DOCK1: variants seen among roughly 807,000 people sequenced by gnomAD.
The protein encoded by DOCK1 is dedicator of cytokinesis protein 1.
A neutral mutation model predicts 262.7 loss-of-function variants in DOCK1; 138 were observed. That is an observed-to-expected ratio of 0.53 (90% CI 0.46 to 0.61). The LOEUF is 0.61. Among genes scored for constraint, DOCK1 ranks in the 20% least tolerant of loss-of-function variants. DOCK1 has a pLI of 0.00. For synonymous variants in DOCK1, 866 were observed against 867.4 expected, an observed-to-expected ratio of 1.00 and a Z score of 0.03; for missense variants, 1,908 against 2,370.7, an observed-to-expected ratio of 0.80 and a Z score of 4.05.
At chr10:127,086,693 G>A (rs1007988500) in intron 23 of DOCK1, among the ~76,000 whole-genome samples, 5 of 152,114 alleles carry the variant, frequency 3.3e-5, no homozygotes, top group Admixed American at 3.3e-4. Context: ...AAAAAGTCCC[G>A]TGTCTTAAGC....
intron 18 of DOCK1, 60 bp from the exon 19 acceptor site, chr10:127,037,659 A>G (rs2043730492): frequency 7.0e-7 from 1 of 1,432,222 alleles, no homozygotes; most frequent in African/African-American, 1.4e-5. Context: ...ATGCATGATT[A>G]ACAGAGACAG....
intron 29 of DOCK1, among the ~76,000 whole-genome samples, chr10:127,265,088 T>TG (rs2060306575): frequency 1.3e-5 from 2 of 152,206 alleles, no homozygotes; most frequent in Non-Finnish European, 1.5e-5. Flanking sequence ...AGTTAGGAAA[T>TG]GCGTAAGATG....
chr10:127,402,007 C>T lies in DOCK1; in HGVS notation c.3928-1048C>T, dbSNP rs559241343. ...TGGTTCCCCTCAGGACTGGCGCTAC[C>T]GTCTTGTGGGAATGATGGAAGTTGA... On this transcript the variant is annotated intron_variant, in intron 38 of 51. Transcript: ENST00000623213. Among the ~76,000 whole-genome samples, 69 of 152,268 alleles carry T rather than the reference C, an allele frequency of 4.5e-4. 1 individual carries two copies. In the South Asian group the frequency reaches 0.013, roughly 30 times the overall value.
intron 13 of DOCK1, among the ~76,000 whole-genome samples, chr10:127,020,863 C>T (rs1255270968): frequency 1.3e-5 from 2 of 152,106 alleles, no homozygotes; most frequent in African/African-American, 4.8e-5. Flanking sequence ...TGCAGGGATG[C>T]GCGTCTTCTT....
intron 29 of DOCK1, among the ~76,000 whole-genome samples, chr10:127,337,228 G>A (rs2135715540): frequency 6.6e-6 from 1 of 152,268 alleles, no homozygotes; most frequent in South Asian, 2.1e-4. Context: ...CTCTGGGGTT[G>A]CTGCATGTAC....
chr10:127,130,890 G>A (rs1229457621), intron 27 of DOCK1, among the ~76,000 whole-genome samples: 2 of 152,138 alleles, frequency 1.3e-5, no homozygotes, highest in Non-Finnish European at 1.5e-5. Flanking sequence ...AGAAGTCATC[G>A]AAAGGACTGA....
chr10:127,173,052 G>T (rs1322767548), intron 27 of DOCK1, among the ~76,000 whole-genome samples: 13 of 152,156 alleles, frequency 8.5e-5, no homozygotes, highest in African/African-American at 3.1e-4. Flanking sequence ...GGCAGCCTGT[G>T]TGCCGGGCAT....
intron 28 of DOCK1, among the ~76,000 whole-genome samples, chr10:127,254,496 T>C (rs1220419499): frequency 6.6e-6 from 1 of 152,232 alleles, no homozygotes; most frequent in Admixed American, 6.5e-5. Flanking sequence ...ACACAGGAAG[T>C]GGGCTTGTCA....
Position 127,145,608 on chromosome 10 carries a change from G to A in DOCK1, c.2847+17844G>A, listed in dbSNP as rs192590185. ...CCCTGAGTGGGATCCCATGACCCAG[G>A]GCCATCACCTTGCCTGCCTGTCTCC... On this transcript the variant is annotated intron_variant, in intron 27 of 51. Transcript: ENST00000623213. Among the ~76,000 whole-genome samples, 5 of 152,242 alleles carry A rather than the reference G, an allele frequency of 3.3e-5. No individual in the cohort carries two copies. The East Asian group carries it at 5.8e-4, about 18-fold the overall frequency.
intron 6 of DOCK1, among the ~76,000 whole-genome samples, chr10:126,992,029 T>C (rs181832065): frequency 6.7e-4 from 102 of 152,302 alleles, no homozygotes; most frequent in Admixed American, 2.1e-3. Context: ...ATCACATAAT[T>C]TTCTGGTAAT....
At chr10:127,376,009 C>G (rs968014717) in intron 35 of DOCK1, among the ~76,000 whole-genome samples, 5 of 152,090 alleles carry the variant, frequency 3.3e-5, no homozygotes, top group Non-Finnish European at 7.4e-5. Flanking sequence ...TTCCTTTTAC[C>G]CAGTCCATCA....
chr10:126,974,509 T>C (rs915942003), intron 2 of DOCK1, among the ~76,000 whole-genome samples: 25 of 152,158 alleles, frequency 1.6e-4, no homozygotes, highest in Non-Finnish European at 1.2e-4. Context: ...GTTGGTTGAC[T>C]ACGTGGAGGC....
chr10:127,337,039 A>G (rs1270008660), intron 29 of DOCK1, among the ~76,000 whole-genome samples: 2 of 151,884 alleles, frequency 1.3e-5, no homozygotes, highest in African/African-American at 4.8e-5. Flanking sequence ...CTTAAAGCTC[A>G]TAAGGACCCT....
chr10:127,065,277 C>T (rs2135864245), intron 23 of DOCK1, among the ~76,000 whole-genome samples: 1 of 152,326 alleles, frequency 6.6e-6, no homozygotes, highest in South Asian at 2.1e-4. Flanking sequence ...TCCCAAAGTG[C>T]TGGGATTACA....
At position 127,362,129 on chromosome 10, in the gene DOCK1, G is replaced by A. The variant is rs547210300; in HGVS notation, c.3349G>A (p.Glu1117Lys). ...AATATTAGAAATGACATTAATTCCC[G>A]AGACGGAGCTGCGCAAAGCCACCAT... ...GPILEMTLIP[E>K]TELRKATIPI... The change falls in exon 33 of 52, where the codon GAG becomes AAG. Residue 1117 changes from glutamate to lysine, a missense_variant. Around this residue, in one of 9 missense-constraint regions of DOCK1, gnomAD observed 518 missense variants for 575.1 expected, o/e 0.90. Transcript: ENST00000623213. The A allele has an allele frequency of 1.2e-5, 20 of 1,613,766 alleles. No individual in the cohort carries two copies. Among genetic ancestry groups the A allele is most frequent in the Middle Eastern group, 1.6e-4 (1 of 6,062 alleles).
intron 22 of DOCK1, among the ~76,000 whole-genome samples, chr10:127,058,413 G>T (rs907756723): frequency 6.6e-6 from 1 of 151,702 alleles, no homozygotes; most frequent in Admixed American, 6.6e-5. Flanking sequence ...TATACTTAAG[G>T]TGTGCCTCTT....
chr10:127,328,778 T>C (rs1350663073), intron 29 of DOCK1, among the ~76,000 whole-genome samples: 6 of 152,054 alleles, frequency 3.9e-5, no homozygotes, highest in African/African-American at 1.4e-4. Context: ...GGTTAGAGAT[T>C]CTTATTCCCG....
At chr10:126,977,223 T>C (rs2038612646) in intron 2 of DOCK1, among the ~76,000 whole-genome samples, 2 of 152,116 alleles carry the variant, frequency 1.3e-5, no homozygotes, top group African/African-American at 4.8e-5. Flanking sequence ...GCCAGGGGTG[T>C]GGCTGGGTCT....
At chr10:127,083,759 C>A (rs1389952255) in intron 23 of DOCK1, among the ~76,000 whole-genome samples, 3 of 152,168 alleles carry the variant, frequency 2.0e-5, no homozygotes, top group Admixed American at 6.5e-5. Flanking sequence ...TGCTTAAAAT[C>A]TTTAAGAAGC....
Sources: allele counts gnomAD v4.1 joint callset (sites outside exome capture counted in the v4.1 genomes callset), GRCh38; gene constraint gnomAD v4.1.1; regional missense constraint gnomAD v4.1.1; transcripts MANE v1.5; gene names NCBI Gene and HGNC (gene_info 2026-07-23, HGNC 2026-07-21).